Variants in STARD9 observed in about 807,000 individuals in gnomAD.
The protein encoded by STARD9 is stAR-related lipid transfer protein 9.
STARD9 carries 346 observed loss-of-function variants against 399.8 expected under a neutral mutation model. The ratio of observed to expected loss-of-function variants is 0.87; its 90% CI spans 0.79 to 0.95. The LOEUF is 0.95. Ranked by LOEUF, STARD9 falls within the 40% of genes least tolerant of loss-of-function variation. The probability of loss-of-function intolerance (pLI) is 0.00; values close to 1 mark genes in which losing one functional copy is unlikely to be tolerated. For missense variants in STARD9, 5,832 were observed against 5,667.5 expected, an observed-to-expected ratio of 1.03 and a Z score of -0.93; for synonymous variants, 2,203 against 2,143.5, an observed-to-expected ratio of 1.03 and a Z score of -0.77.
At chr15:42,638,553 A>G in intron 6 of STARD9, 147 bp from the exon 7 acceptor site, 1 of 559,186 alleles carries the variant, frequency 1.8e-6, no homozygotes, top group Non-Finnish European at 3.2e-6. Context: ...TGGAAAGAGA[A>G]TCAAGGGGGA....
chr15:42,710,909 CTCTCTGTG>C (rs1335876977), intron 26 of STARD9, among the ~76,000 whole-genome samples: 114 of 132,158 alleles, frequency 8.6e-4, no homozygotes, highest in African/African-American at 4.2e-3. Context: ...CTCTCTCTCT[CTCTCTGTG>C]TGTGTGTGTC....
rs944184988 is a variant in STARD9 at position 42,718,093 on chromosome 15, T to C, written c.13676T>C (p.Val4559Ala). 2.0e-6 allele frequency: 3 copies of C among 1,537,246 alleles called. No individual in the cohort carries two copies. The highest frequency in any genetic ancestry group is 2.6e-6 in the Non-Finnish European group (3 of 1,146,910). Residue 4559 changes from valine to alanine, a missense_variant, in exon 30 of 33, where the codon GTC (valine) becomes GCC (alanine). Physicochemically the swap from Val to Ala is moderately conservative, Grantham distance 64. Coordinates refer to ENST00000290607, the MANE Select transcript of STARD9 (RefSeq NM_020759.3). ...SQPLSRVWAA[V>A]SDPTVWPLYY... ...CCGCTGTCTCGTGTGTGGGCGGCTG[T>C]CAGTGACCCCACTGTGTGGCCCCTG... is the stretch of plus-strand genomic sequence containing the variant.
chr15:42,686,227 A>G lies in STARD9; in HGVS notation c.4649A>G (p.His1550Arg), dbSNP rs1463894585. The change falls in exon 23 of 33, where the codon CAT (histidine) becomes CGT (arginine). Residue 1550 changes from histidine (H) to arginine (R), a missense_variant. Physicochemically the swap from His to Arg is conservative, Grantham distance 29. Around this residue, in one of 2 missense-constraint regions of STARD9, gnomAD observed 5,828 missense variants for 5,651.1 expected, o/e 1.03. Transcript: ENST00000290607. The part of the protein sequence containing the change: ...SNLNLNNFPV[H>R]LSRIRRLRAE... ...CTGAATCTCAACAACTTTCCAGTCC[A>G]TCTGTCCAGAATCAGGCGTTTGAGG... 6 of 1,537,734 alleles carry G rather than the reference A, an allele frequency of 3.9e-6. No individual in the cohort carries two copies. The highest frequency in any genetic ancestry group is 1.7e-4 in the Middle Eastern group (1 of 5,992).
intron 3 of STARD9, among the ~76,000 whole-genome samples, chr15:42,588,796 TTTTTTTTTTTTTTTTTTTTG>T (rs1566854654): frequency 3.3e-3 from 136 of 40,612 alleles, no homozygotes; most frequent in South Asian, 0.01. Context: ...TTTTTTTTTT[TTTTTTTTTTTTTTTTTTTTG>T]GAGTGGGGGG....
At position 42,642,138 on chromosome 15, in the gene STARD9, A is replaced by G. The variant is rs151279833; in HGVS notation, c.559+3326A>G. On this transcript the variant is annotated intron_variant, in intron 7 of 32. Transcript: ENST00000290607. ...CTGTGAATATGACTTTAAAGTGGAA[A>G]GTGGTTTCTGGCATGAAACCAATTC... Among the ~76,000 whole-genome samples the G allele has an allele frequency of 7.9e-5, 12 of 152,340 alleles. No individual in the cohort carries two copies. In the East Asian group the frequency reaches 2.3e-3, roughly 29 times the overall value.
At chr15:42,583,000 T>C (rs962423310) in intron 1 of STARD9, among the ~76,000 whole-genome samples, 1 of 152,256 alleles carries the variant, frequency 6.6e-6, no homozygotes, top group Admixed American at 6.5e-5. Flanking sequence ...CTCTCAGCTT[T>C]AGTCCTCTGC....
rs55808206 is a variant in STARD9, at chr15:42,712,111, A to ATAATATATTATATATAAT, written c.13285-4566_13285-4565insTAATATATTATATATAAT. On this transcript the variant is annotated intron_variant, in intron 26 of 32. Transcript: ENST00000290607. The stretch of plus-strand genomic sequence containing the variant: ...TATATATATATAATATATAATATAT[A>ATAATATATTATATATAAT]ATATATAATATATATATAAATGTGC... 1.6e-3 allele frequency among the ~76,000 whole-genome samples: 5 copies of ATAATATATTATATATAAT among 3,180 alleles called. 1 individual carries two copies. Among genetic ancestry groups the ATAATATATTATATATAAT allele is most frequent in the African/African-American group, 9.5e-3 (5 of 526 alleles). 2.1% of individuals were successfully genotyped at this position (3,180 alleles called of 152,430 possible).
At chr15:42,637,864 A>G in intron 4 of STARD9, 43 bp from the exon 5 acceptor site, 2 of 1,535,036 alleles carry the variant, frequency 1.3e-6, no homozygotes, top group Non-Finnish European at 1.7e-6. Flanking sequence ...GGAGAGCATC[A>G]TCTTAAGTAA....
chr15:42,659,911 G>C (rs28823029), intron 9 of STARD9, among the ~76,000 whole-genome samples: 39,291 of 151,864 alleles, frequency 0.26, 5,766 homozygotes, highest in African/African-American at 0.39. Context: ...ACAGAAAGAT[G>C]TGCACAAATA....
chr15:42,669,527 A>G (rs147257562), intron 16 of STARD9, 190 bp downstream of exon 16: 6 of 435,588 alleles, frequency 1.4e-5, no homozygotes, highest in African/African-American at 9.7e-5. Flanking sequence ...GTATGTATAG[A>G]GCAGAAGACT....
At chr15:42,659,707 G>A (rs911662873) in intron 9 of STARD9, among the ~76,000 whole-genome samples, 2 of 152,098 alleles carry the variant, frequency 1.3e-5, no homozygotes, top group Non-Finnish European at 2.9e-5. Context: ...TGTATTTTTA[G>A]TAGAGACGAG....
chr15:42,688,626 C>T lies in STARD9; in HGVS notation c.7048C>T (p.Pro2350Ser). Residue 2350 changes from proline to serine, a missense_variant, in exon 23 of 33, where the codon CCT becomes TCT. This residue lies in a region of STARD9 where 5,828 missense variants were observed against 5,651.1 expected (regional missense o/e 1.03). Coordinates refer to ENST00000290607, the MANE Select transcript of STARD9 (RefSeq NM_020759.3). ...GTGGCCAAGAAGGTGTCTTCATGTA[C>T]CTGTTGCTCTAGGCATCTCTTCACT... is the stretch of plus-strand genomic sequence containing the variant. ...PRWPRRCLHVPVALGISSLDC... is the reference protein window; with the variant it reads ...PRWPRRCLHVSVALGISSLDC... 1 of 1,537,534 alleles carries T rather than the reference C, an allele frequency of 6.5e-7. No individual in the cohort carries two copies. Among genetic ancestry groups the T allele is most frequent in the Non-Finnish European group, 8.7e-7 (1 of 1,146,976 alleles).
At chr15:42,577,281 G>C (rs1310684311) in intron 1 of STARD9, among the ~76,000 whole-genome samples, 1 of 151,988 alleles carries the variant, frequency 6.6e-6, no homozygotes, top group East Asian at 1.9e-4. Flanking sequence ...AGCCTCCCCA[G>C]CAGCTGGGAC....
At position 42,583,915 on chromosome 15, in the gene STARD9, C is replaced by T. The variant is rs1042445547; in HGVS notation, c.117+500C>T. On this transcript the variant is annotated intron_variant, in intron 2 of 32. Coordinates refer to ENST00000290607, the MANE Select transcript of STARD9 (RefSeq NM_020759.3). ...ATCCCAGAAGGGAGTCAGTCACTAG[C>T]CTGGGTTTTGTTACAGATTCTCTTT... is the stretch of plus-strand genomic sequence containing the variant. Among the ~76,000 whole-genome samples, 5 of 152,164 alleles carry T rather than the reference C, an allele frequency of 3.3e-5. No homozygotes were observed. In the East Asian group the frequency reaches 9.6e-4, roughly 29 times the overall value.
In STARD9 at chr15:42,713,791, T is replaced by C. The variant is rs1430333973; in HGVS notation, c.13285-2886T>C. Among the ~76,000 whole-genome samples, 3 of 152,262 alleles carry C rather than the reference T, an allele frequency of 2.0e-5. No homozygotes were observed. The South Asian group carries it at 6.2e-4, about 32-fold the overall frequency. ...GTGTTGCTAGATTTCAGTTTACTAGTATTTTGTTGAGGATTTGTGTGTGTG... is the reference window on the plus strand; with the variant it reads ...GTGTTGCTAGATTTCAGTTTACTAGCATTTTGTTGAGGATTTGTGTGTGTG... On this transcript the variant is annotated intron_variant, in intron 26 of 32. Transcript: ENST00000290607.
In STARD9 at chr15:42,684,895, AC is replaced by A; in HGVS notation, c.3318del (p.Tyr1107ThrfsTer14). 1 of 1,537,118 alleles carries A rather than the reference AC, an allele frequency of 6.5e-7. No homozygotes were observed. The highest frequency in any genetic ancestry group is 1.2e-5 in the South Asian group (1 of 84,068). ...KDNDLSDTDS[N>X]YSLDSLSCVY... ...AATGATTTATCTGACACAGATAGCA[AC>A]TACTCATTGGATTCTCTCTCATGTG... On this transcript the variant is annotated frameshift_variant, in exon 23 of 33. Transcript: ENST00000290607. LOFTEE classifies it high-confidence loss of function.
At position 42,685,508 on chromosome 15, in the gene STARD9, A is replaced by G. The variant is rs549071019; in HGVS notation, c.3930A>G (p.Val1310=). The G allele has an allele frequency of 1.9e-4, 289 of 1,536,846 alleles. No homozygotes were observed. The highest frequency in any genetic ancestry group is 5.9e-4 in the Admixed American group (30 of 50,984). Reference sequence around the variant, plus strand: ...ATTGTGAGCAGGCTGAATCACAGGTAGAGCCAAGCTACTCTGAACAAGCCG... The same window carrying G: ...ATTGTGAGCAGGCTGAATCACAGGTGGAGCCAAGCTACTCTGAACAAGCCG... ...QPHCEQAESQ[V]EPSYSEQADS... Residue 1310 remains valine (V), a synonymous_variant, in exon 23 of 33, where the codon GTA becomes GTG. Coordinates refer to ENST00000290607, the MANE Select transcript of STARD9 (RefSeq NM_020759.3).
Position 42,692,981 on chromosome 15 carries a change from G to A in STARD9, c.11403G>A (p.Gln3801=), listed in dbSNP as rs1373752686. 6.5e-7 allele frequency: 1 copy of A among 1,537,080 alleles called. No individual in the cohort carries two copies. Among genetic ancestry groups the A allele is most frequent in the South Asian group, 1.2e-5 (1 of 84,060 alleles). The change falls in exon 23 of 33, where the codon CAG becomes CAA. Residue 3801 remains glutamine, a synonymous_variant. Coordinates refer to ENST00000290607, the MANE Select transcript of STARD9 (RefSeq NM_020759.3). ...AAATGGCTCAGCTCCTCTATCTTCA[G>A]GAAGAAAGCACTCCCTACAAGCCCC... ...AQKMAQLLYL[Q]EESTPYKPQS...
chr15:42,695,176 C>T lies in STARD9; in HGVS notation c.12999C>T (p.Pro4333=), dbSNP rs2060815151. ...CAGTGTCAAGGTCAGCTCACACACC[C>T]TCTGACATAGAGTTGATGCTGCAAG... The part of the protein sequence containing the change: ...PESVSRSAHT[P]SDIELMLQDY... Residue 4333 remains proline (P), a synonymous_variant, in exon 25 of 33, where the codon CCC becomes CCT. Coordinates refer to ENST00000290607, the MANE Select transcript of STARD9 (RefSeq NM_020759.3). 1 of 1,536,708 alleles carries T rather than the reference C, an allele frequency of 6.5e-7. No homozygotes were observed. Among genetic ancestry groups the T allele is most frequent in the Non-Finnish European group, 8.7e-7 (1 of 1,146,698 alleles).
Sources: gnomAD v4.1 joint callset for allele counts (sites outside exome capture counted in the v4.1 genomes callset) on GRCh38, gnomAD v4.1.1 for gene constraint, gnomAD v4.1.1 regional missense constraint, MANE v1.5 for transcripts, NCBI Gene and HGNC (gene_info 2026-07-23, HGNC 2026-07-21) for gene names.